CNTLN: variants seen among roughly 807,000 people sequenced by gnomAD.
CNTLN encodes the protein centlein, centrosomal protein.
A neutral mutation model predicts 180.0 loss-of-function variants in CNTLN; 212 were observed. That is an observed-to-expected ratio of 1.18 (90% confidence interval 1.05 to 1.32). The LOEUF (loss-of-function observed/expected upper bound fraction) is 1.32, where lower values mean the gene tolerates loss of function less well. CNTLN is among the 40% of genes most tolerant of loss of function. CNTLN has a pLI of 0.00. For missense variants in CNTLN, 2,095 were observed against 1,610.9 expected (o/e 1.30, Z -5.14); for synonymous variants, 722 against 563.1 (o/e 1.28, Z -3.99).
At chr9:17,337,369 C>G (rs1220930146) in intron 10 of CNTLN, among the ~76,000 whole-genome samples, 1 of 152,252 alleles carries the variant, frequency 6.6e-6, no homozygotes, top group East Asian at 1.9e-4. Flanking sequence ...GTGTTTTAGT[C>G]ATAAAGTCTT....
intron 13 of CNTLN, among the ~76,000 whole-genome samples, chr9:17,378,415 G>A (rs542178417): frequency 3.3e-5 from 5 of 152,198 alleles, no homozygotes; most frequent in East Asian, 1.9e-4. Flanking sequence ...TCCTGATCTC[G>A]TGATCCACAT....
intron 18 of CNTLN, among the ~76,000 whole-genome samples, chr9:17,427,327 A>G (rs1338707583): frequency 6.6e-6 from 1 of 151,596 alleles, no homozygotes; most frequent in Non-Finnish European, 1.5e-5. Flanking sequence ...CTCGAAAAGA[A>G]TACTTGATAT....
chr9:17,274,097 G>A (rs561458187), intron 6 of CNTLN, among the ~76,000 whole-genome samples: 1 of 152,000 alleles, frequency 6.6e-6, no homozygotes, highest in South Asian at 2.1e-4. Context: ...CCTAGTTTCA[G>A]TTTTTAACAA....
At chr9:17,249,345 GT>G (rs558059269) in intron 5 of CNTLN, among the ~76,000 whole-genome samples, 2 of 124,914 alleles carry the variant, frequency 1.6e-5, no homozygotes, top group Non-Finnish European at 3.2e-5. Flanking sequence ...TTCTTTGATT[GT>G]TTTTTTTGTT....
intron 15 of CNTLN, among the ~76,000 whole-genome samples, chr9:17,406,523 C>G (rs1564078085): frequency 1.3e-5 from 2 of 151,716 alleles, no homozygotes; most frequent in Non-Finnish European, 2.9e-5. Context: ...TTCAGTATTA[C>G]TAATGATCAA....
rs117268803 is a variant in CNTLN, at chr9:17,469,621, G to C, written c.3855+2730G>C. On this transcript the variant is annotated intron_variant, in intron 23 of 25. Transcript: ENST00000380647. ...TGCTTCCTCCTTTTTAAATACTTAA[G>C]ACCTTCCATAGCTGGGTGTTATTCT... Among the ~76,000 whole-genome samples, 469 of 151,904 alleles carry C rather than the reference G, an allele frequency of 3.1e-3. 2 individuals carry two copies. Among genetic ancestry groups the C allele is most frequent in the Non-Finnish European group, 4.7e-3 (320 of 67,812 alleles).
At chr9:17,256,451 A>G (rs1487127623) in intron 5 of CNTLN, among the ~76,000 whole-genome samples, 1 of 151,928 alleles carries the variant, frequency 6.6e-6, no homozygotes, top group Non-Finnish European at 1.5e-5. Context: ...AGTAAAAGCC[A>G]TTATGATTGG....
intron 5 of CNTLN, among the ~76,000 whole-genome samples, chr9:17,265,459 A>G (rs1308366956): frequency 6.6e-6 from 1 of 151,894 alleles, no homozygotes; most frequent in Non-Finnish European, 1.5e-5. Flanking sequence ...TTTATTGAGG[A>G]TTTTTACATC....
chr9:17,137,837 G>A (rs1044071423), intron 1 of CNTLN, among the ~76,000 whole-genome samples: 18 of 152,160 alleles, frequency 1.2e-4, no homozygotes, highest in Non-Finnish European at 2.4e-4. Context: ...GTAATAGAAA[G>A]CAATCAAATG....
chr9:17,246,339 A>G (rs2132236692), intron 5 of CNTLN, among the ~76,000 whole-genome samples: 1 of 152,274 alleles, frequency 6.6e-6, no homozygotes, highest in Non-Finnish European at 1.5e-5. Context: ...GATATCCGGG[A>G]GAATTTCCTA....
chr9:17,319,658 T>C (rs1244325830), intron 8 of CNTLN, among the ~76,000 whole-genome samples: 4 of 152,176 alleles, frequency 2.6e-5, no homozygotes, highest in Admixed American at 6.5e-5. Flanking sequence ...ATTTATAAAA[T>C]GGGTATTATA....
At chr9:17,155,531 T>G (rs914249415) in intron 2 of CNTLN, among the ~76,000 whole-genome samples, 1 of 152,202 alleles carries the variant, frequency 6.6e-6, no homozygotes, top group Admixed American at 6.5e-5. Context: ...TCTGCCCAGT[T>G]CGAACTTCCC....
At position 17,457,589 on chromosome 9, in the gene CNTLN, C is replaced by G. The variant is rs370386357; in HGVS notation, c.3180C>G (p.Ser1060=). ...EKEDLLKKLE[S]SSEITSLAEE... is the part of the protein sequence containing the mutation. ...AAGATTTACTAAAGAAATTGGAGTC[C>G]TCATCTGAAATCACAAGTTTGGCAG... The change falls in exon 19 of 26, where the codon TCC becomes TCG. Residue 1060 remains serine (S), a synonymous_variant. Transcript: ENST00000380647. 1.7e-4 allele frequency: 265 copies of G among 1,556,932 alleles called. No individual in the cohort carries two copies. Among genetic ancestry groups the G allele is most frequent in the Middle Eastern group, 1.0e-3 (6 of 5,874 alleles).
At chr9:17,433,812 C>G (rs978950757) in intron 18 of CNTLN, among the ~76,000 whole-genome samples, 3 of 152,112 alleles carry the variant, frequency 2.0e-5, no homozygotes, top group Non-Finnish European at 4.4e-5. Flanking sequence ...AATACCTGGC[C>G]TCAAGCAGTC....
At chr9:17,208,186 A>G (rs756014012) in intron 2 of CNTLN, among the ~76,000 whole-genome samples, 3 of 152,154 alleles carry the variant, frequency 2.0e-5, no homozygotes, top group Admixed American at 6.5e-5. Flanking sequence ...GCAATGTTCA[A>G]TTTTATGAAC....
intron 6 of CNTLN, among the ~76,000 whole-genome samples, chr9:17,286,746 G>A (rs1265151104): frequency 9.1e-6 from 1 of 110,426 alleles, no homozygotes; most frequent in Non-Finnish European, 1.8e-5. Flanking sequence ...GGATTCCTAG[G>A]TATTTTATTC....
chr9:17,334,981 C>A (rs1467925890), intron 10 of CNTLN, among the ~76,000 whole-genome samples: 1 of 151,366 alleles, frequency 6.6e-6, no homozygotes, highest in Non-Finnish European at 1.5e-5. Context: ...GGTATAGTTC[C>A]AGTTTGAGCC....
At chr9:17,333,458 G>A (rs138695014) in intron 10 of CNTLN, among the ~76,000 whole-genome samples, 3,265 of 152,078 alleles carry the variant, frequency 0.021, 119 homozygotes, top group African/African-American at 0.075. Context: ...TTCTCAAGTA[G>A]TTTTATGATA....
downstream of CNTLN, among the ~76,000 whole-genome samples, chr9:17,508,331 T>C (rs1253465628): frequency 6.6e-6 from 1 of 152,238 alleles, no homozygotes; most frequent in Admixed American, 6.5e-5. Context: ...CCAGATTCCC[T>C]GAATGGTAAC....
Sources: gnomAD v4.1 joint callset for allele counts (sites outside exome capture counted in the v4.1 genomes callset) on GRCh38, gnomAD v4.1.1 for gene constraint, MANE v1.5 for transcripts, NCBI Gene and HGNC (gene_info 2026-07-23, HGNC 2026-07-21) for gene names.